PALLD: variants seen among roughly 807,000 people sequenced by gnomAD.
PALLD encodes palladin, cytoskeletal associated protein.
Under a neutral mutation model 123.5 loss-of-function variants are expected in PALLD, and 61 were observed. The observed-to-expected ratio is 0.49, with a 90% CI of 0.40 to 0.61. The LOEUF is 0.61. Ranked by LOEUF, PALLD falls within the 20% of genes least tolerant of loss-of-function variation. The probability of loss-of-function intolerance (pLI) is 0.00; values close to 1 mark genes in which losing one functional copy is unlikely to be tolerated. For synonymous variants in PALLD, 465 were observed against 496.4 expected (o/e 0.94, Z 0.84); for missense variants, 1,273 against 1,377.0 (o/e 0.92, Z 1.20).
At chr4:168,689,228 A>G (rs909131258) in intron 6 of PALLD, among the ~76,000 whole-genome samples, 1 of 152,174 alleles carries the variant, frequency 6.6e-6, no homozygotes, top group Non-Finnish European at 1.5e-5. Flanking sequence ...TAGCACACTT[A>G]CTGCAGGACA....
intron 10 of PALLD, among the ~76,000 whole-genome samples, chr4:168,796,915 G>A (rs1312364609): frequency 6.6e-6 from 1 of 152,132 alleles, no homozygotes; most frequent in African/African-American, 2.4e-5. Context: ...TGTTCTGCCT[G>A]AACTGTCTCT....
chr4:168,903,690 T>C (rs1757028568), intron 14 of PALLD, 67 bp from the exon 15 acceptor site: 4 of 1,331,470 alleles, frequency 3.0e-6, no homozygotes, highest in Admixed American at 1.7e-5. Context: ...CTGTTACTAT[T>C]TTCAGTTCTC....
At chr4:168,714,741 G>A (rs1785175690) in intron 10 of PALLD, among the ~76,000 whole-genome samples, 1 of 151,948 alleles carries the variant, frequency 6.6e-6, no homozygotes, top group Admixed American at 6.6e-5. Context: ...CAAACTAATA[G>A]GAAACAATTC....
chr4:168,863,671 G>A (rs1749836144), intron 10 of PALLD: 1 of 152,116 alleles, frequency 6.6e-6, no homozygotes, highest in African/African-American at 2.4e-5. Flanking sequence ...CATATATCTT[G>A]AGTGACTTTA....
intron 3 of PALLD, among the ~76,000 whole-genome samples, chr4:168,673,430 A>C (rs1183432173): frequency 6.6e-6 from 1 of 152,230 alleles, no homozygotes; most frequent in Non-Finnish European, 1.5e-5. Context: ...GATGTGCCTA[A>C]GTTGCAGGAA....
chr4:168,794,231 C>T (rs912483552), intron 10 of PALLD, among the ~76,000 whole-genome samples: 3 of 152,134 alleles, frequency 2.0e-5, no homozygotes, highest in Non-Finnish European at 4.4e-5. Flanking sequence ...TGGCCTGAGG[C>T]GAAACTCCTG....
intron 15 of PALLD, among the ~76,000 whole-genome samples, chr4:168,906,439 G>A (rs1757812693): frequency 6.6e-6 from 1 of 152,120 alleles, no homozygotes; most frequent in African/African-American, 2.4e-5. Context: ...TAAGACAGCA[G>A]GCCAGCCTTG....
chr4:168,548,240 A>G (rs1766364787), intron 2 of PALLD, among the ~76,000 whole-genome samples: 2 of 152,074 alleles, frequency 1.3e-5, no homozygotes. Flanking sequence ...CAATGAGGTA[A>G]TATTTACTGT....
intron 2 of PALLD, among the ~76,000 whole-genome samples, chr4:168,553,824 A>C (rs1311276386): frequency 6.6e-6 from 1 of 151,902 alleles, no homozygotes; most frequent in Non-Finnish European, 1.5e-5. Flanking sequence ...CTCTTACTGG[A>C]ATGTTCTTTC....
chr4:168,632,831 C>A (rs772911026), intron 2 of PALLD, among the ~76,000 whole-genome samples: 2 of 152,104 alleles, frequency 1.3e-5, no homozygotes, highest in Non-Finnish European at 2.9e-5. Context: ...GAGAGTTCCC[C>A]TAATCTATTT....
chr4:168,917,134 C>T lies in PALLD; in HGVS notation c.2850+1107C>T, dbSNP rs147222069. On this transcript the variant is annotated intron_variant, in intron 17 of 21. Coordinates refer to ENST00000505667, the MANE Select transcript of PALLD (RefSeq NM_001166108.2). ...TGTGATCTCAGCTCACTGCAGCTTC[C>T]ACCTCCCAGGTTCAAGTGATTCTCC... is the stretch of plus-strand genomic sequence containing the variant. Among the ~76,000 whole-genome samples the T allele has an allele frequency of 5.9e-3, 895 of 150,558 alleles. 14 individuals carry two copies. Among genetic ancestry groups the T allele is most frequent in the African/African-American group, 0.021 (848 of 40,884 alleles).
intron 2 of PALLD, among the ~76,000 whole-genome samples, chr4:168,650,107 G>A (rs935579689): frequency 4.6e-5 from 7 of 152,144 alleles, no homozygotes. Context: ...CCAGGAGGCG[G>A]AGGTTGCAGT....
chr4:168,510,496 T>C (rs1408859115), intron 1 of PALLD, among the ~76,000 whole-genome samples: 1 of 152,194 alleles, frequency 6.6e-6, no homozygotes, highest in Non-Finnish European at 1.5e-5. Context: ...CTCCCATGAC[T>C]TTTAACTCCT....
chr4:168,837,892 CAGTA>C (rs1204709859), intron 10 of PALLD, among the ~76,000 whole-genome samples: 1 of 152,134 alleles, frequency 6.6e-6, no homozygotes, highest in Non-Finnish European at 1.5e-5. Flanking sequence ...AAGAGATGAA[CAGTA>C]AGCAAAACAA....
chr4:168,912,504 A>G (rs527259709), intron 15 of PALLD, among the ~76,000 whole-genome samples: 1 of 152,214 alleles, frequency 6.6e-6, no homozygotes, highest in African/African-American at 2.4e-5. Context: ...CAAAGTAACA[A>G]TGTGTGGCTT....
intron 14 of PALLD, among the ~76,000 whole-genome samples, chr4:168,902,232 A>G (rs10026602): frequency 0.68 from 103,798 of 152,120 alleles, 37,088 homozygotes; most frequent in East Asian, 0.96. Flanking sequence ...TGTTTTAACA[A>G]CTAAAGGGTC....
chr4:168,724,688 T>C (rs17651667), intron 10 of PALLD, among the ~76,000 whole-genome samples: 1 of 141,174 alleles, frequency 7.1e-6, no homozygotes, highest in Admixed American at 6.9e-5. Context: ...AACACACACA[T>C]CTTTGCTTCA....
chr4:168,832,525 T>C (rs1179672297), intron 10 of PALLD, among the ~76,000 whole-genome samples: 2 of 152,104 alleles, frequency 1.3e-5, no homozygotes, highest in Non-Finnish European at 2.9e-5. Context: ...GCCCCTCTCT[T>C]AATCTTGGCC....
At chr4:168,570,892 T>C (rs1580364056) in intron 2 of PALLD, among the ~76,000 whole-genome samples, 1 of 152,208 alleles carries the variant, frequency 6.6e-6, no homozygotes, top group South Asian at 2.1e-4. Context: ...AAAAGTTTTC[T>C]CCTATCCACA....
Sources: allele counts gnomAD v4.1 joint callset (sites outside exome capture counted in the v4.1 genomes callset), GRCh38; gene constraint gnomAD v4.1.1; transcripts MANE v1.5; gene names NCBI Gene and HGNC (gene_info 2026-07-23, HGNC 2026-07-21).